The following FGGY variants were observed in gnomAD, a reference collection of about 807,000 sequenced individuals.
FGGY encodes FGGY carbohydrate kinase domain containing, also known as FGGY carbohydrate kinase domain-containing protein.
Under a neutral mutation model 71.3 loss-of-function variants are expected in FGGY, and 72 were observed. The ratio of observed to expected loss-of-function variants is 1.01; its 90% confidence interval spans 0.84 to 1.23. FGGY has a LOEUF of 1.23. FGGY is among the 50% of genes most tolerant of loss of function. The probability of loss-of-function intolerance (pLI) is 0.00; values close to 1 mark genes in which losing one functional copy is unlikely to be tolerated. For synonymous variants in FGGY, 251 were observed against 250.3 expected, an observed-to-expected ratio of 1.00 and a Z score of -0.02; for missense variants, 668 against 682.3, an observed-to-expected ratio of 0.98 and a Z score of 0.23.
At chr1:59,663,445 C>G (rs1348129067) in intron 12 of FGGY, among the ~76,000 whole-genome samples, 2 of 152,112 alleles carry the variant, frequency 1.3e-5, no homozygotes, top group African/African-American at 4.8e-5. Context: ...AGGTTCCTTT[C>G]CTGGTAAGAG....
At chr1:59,449,505 G>A (rs2072143559) in intron 5 of FGGY, among the ~76,000 whole-genome samples, 1 of 152,070 alleles carries the variant, frequency 6.6e-6, no homozygotes, top group Non-Finnish European at 1.5e-5. Context: ...GGCTGGTCTC[G>A]AACTCCTGAC....
At chr1:59,383,733 A>G (rs1412844710) in intron 5 of FGGY, among the ~76,000 whole-genome samples, 4 of 152,142 alleles carry the variant, frequency 2.6e-5, no homozygotes, top group Non-Finnish European at 5.9e-5. Flanking sequence ...TTTTCTATTG[A>G]TAATAACACT....
intron 14 of FGGY, among the ~76,000 whole-genome samples, chr1:59,695,803 G>A (rs1347965486): frequency 6.6e-6 from 1 of 152,096 alleles, no homozygotes; most frequent in Non-Finnish European, 1.5e-5. Flanking sequence ...TAAGCAGAAT[G>A]TCATGAGTTC....
At chr1:59,464,424 A>G (rs541376799) in intron 6 of FGGY, among the ~76,000 whole-genome samples, 2 of 152,362 alleles carry the variant, frequency 1.3e-5, no homozygotes, top group East Asian at 3.9e-4. Flanking sequence ...GAAAGATCCA[A>G]AATTGACACC....
At chr1:59,681,445 C>G (rs2097497876) in intron 14 of FGGY, among the ~76,000 whole-genome samples, 1 of 152,154 alleles carries the variant, frequency 6.6e-6, no homozygotes. Context: ...TTACAGAACT[C>G]TCTTTCTATA....
At chr1:59,723,354 A>G (rs1261053911) in intron 14 of FGGY, among the ~76,000 whole-genome samples, 1 of 152,074 alleles carries the variant, frequency 6.6e-6, no homozygotes, top group Non-Finnish European at 1.5e-5. Flanking sequence ...GATCATTCTA[A>G]CTCGCTCTCC....
chr1:59,545,031 C>T (rs2095500543), intron 7 of FGGY, among the ~76,000 whole-genome samples: 2 of 152,212 alleles, frequency 1.3e-5, no homozygotes, highest in East Asian at 3.8e-4. Context: ...CAAACTAGGT[C>T]AGGGGCTGGG....
rs115123738 is a variant in FGGY, at chr1:59,532,852, C to A, written c.799+20413C>A. Among the ~76,000 whole-genome samples, 476 of 152,156 alleles carry A rather than the reference C, an allele frequency of 3.1e-3. 2 individuals are homozygous for A. Among genetic ancestry groups the A allele is most frequent in the African/African-American group, 0.011 (451 of 41,524 alleles). ...TAACATCATAGATGATACAATTATA[C>A]ACATATAGAATGTCAAAAGAATCTA... On this transcript the variant is annotated intron_variant, in intron 7 of 15. Coordinates refer to ENST00000303721, the MANE Select transcript of FGGY (RefSeq NM_018291.5).
chr1:59,596,075 C>G (rs1571880954), intron 8 of FGGY, among the ~76,000 whole-genome samples: 1 of 152,154 alleles, frequency 6.6e-6, no homozygotes, highest in East Asian at 1.9e-4. Flanking sequence ...TTAAGCCCTC[C>G]CGGATCCACT....
chr1:59,470,434 C>T (rs2092882317), intron 6 of FGGY, among the ~76,000 whole-genome samples: 1 of 152,118 alleles, frequency 6.6e-6, no homozygotes, highest in Non-Finnish European at 1.5e-5. Flanking sequence ...ACATGCCAAG[C>T]CTTCATGAAC....
At chr1:59,304,175 T>G (rs890480288) in intron 1 of FGGY, among the ~76,000 whole-genome samples, 1 of 152,132 alleles carries the variant, frequency 6.6e-6, no homozygotes, top group Non-Finnish European at 1.5e-5. Flanking sequence ...TCGAGGAGTT[T>G]TTTGTCGTTT....
intron 7 of FGGY, among the ~76,000 whole-genome samples, chr1:59,538,117 C>T (rs1275745075): frequency 1.3e-5 from 2 of 152,116 alleles, no homozygotes; most frequent in Non-Finnish European, 2.9e-5. Context: ...GGGCTAATAT[C>T]CAGAATCTAC....
intron 13 of FGGY, among the ~76,000 whole-genome samples, chr1:59,667,813 C>T (rs1558740493): frequency 6.6e-6 from 1 of 152,170 alleles, no homozygotes; most frequent in Non-Finnish European, 1.5e-5. Context: ...AGACAGCAAA[C>T]AGGCATATTA....
At chr1:59,623,936 A>C (rs143535203) in intron 9 of FGGY, among the ~76,000 whole-genome samples, 108 of 152,188 alleles carry the variant, frequency 7.1e-4, no homozygotes, top group African/African-American at 2.5e-3. Flanking sequence ...TGAACTCCTA[A>C]AGCACTTCCC....
rs555165493 is a variant in FGGY at position 59,318,070 on chromosome 1, A to G, written c.-14-3466A>G. On this transcript the variant is annotated intron_variant, in intron 1 of 15. Transcript: ENST00000303721. ...AGGAGGCAGTGGAGCATCCTGAGAA[A>G]GGTTAGGGCTGATGGAACCGGAGGG... Among the ~76,000 whole-genome samples the G allele has an allele frequency of 9.6e-4, 146 of 152,300 alleles. 1 individual carries two copies. The highest frequency in any genetic ancestry group is 4.1e-3 in the South Asian group (20 of 4,824).
At chr1:59,481,404 A>AT (rs1558075294) in intron 6 of FGGY, among the ~76,000 whole-genome samples, 3 of 152,306 alleles carry the variant, frequency 2.0e-5, no homozygotes, top group Non-Finnish European at 4.4e-5. Context: ...CCTGGGTCTC[A>AT]TCTTCTCCCA....
chr1:59,676,714 C>A (rs1228797415), intron 14 of FGGY, among the ~76,000 whole-genome samples: 1 of 152,126 alleles, frequency 6.6e-6, no homozygotes, highest in African/African-American at 2.4e-5. Context: ...AGCTGCAAGG[C>A]TCACAGCATT....
At chr1:59,546,950 CTT>C (rs761977942) in intron 7 of FGGY, among the ~76,000 whole-genome samples, 79 of 115,176 alleles carry the variant, frequency 6.9e-4, no homozygotes, top group African/African-American at 2.0e-3. Flanking sequence ...ACCTTTTTGA[CTT>C]TTTTTTTTTT....
chr1:59,702,450 G>T (rs919523611), intron 14 of FGGY, among the ~76,000 whole-genome samples: 1 of 152,110 alleles, frequency 6.6e-6, no homozygotes, highest in Non-Finnish European at 1.5e-5. Flanking sequence ...TTGTAGGGAT[G>T]GCTTTATCAA....
Sources: gnomAD v4.1 joint callset for allele counts (sites outside exome capture counted in the v4.1 genomes callset) on GRCh38, gnomAD v4.1.1 for gene constraint, MANE v1.5 for transcripts, NCBI Gene and HGNC (gene_info 2026-07-23, HGNC 2026-07-21) for gene names.